EIF4G3: variants seen among roughly 807,000 people sequenced by gnomAD.
EIF4G3 encodes eukaryotic translation initiation factor 4 gamma 3, also known as eIF-4-gamma 3.
EIF4G3 carries 34 observed loss-of-function variants against 186.4 expected under a neutral mutation model. The observed-to-expected ratio is 0.18, with a 90% CI of 0.14 to 0.24. The LOEUF is 0.24. Ranked by LOEUF, EIF4G3 falls within the 10% of genes least tolerant of loss-of-function variation. The probability of loss-of-function intolerance (pLI) is 1.00; values close to 1 mark genes in which losing one functional copy is unlikely to be tolerated. For missense variants in EIF4G3, 1,536 were observed against 1,948.5 expected (o/e 0.79, Z 3.99); for synonymous variants, 673 against 679.5 (o/e 0.99, Z 0.15).
rs1374092520 is a variant in EIF4G3, at chr1:20,810,379, C to T, written c.4744+359G>A. 6.6e-6 allele frequency among the ~76,000 whole-genome samples: 1 copy of T among 152,174 alleles called. No individual in the cohort carries two copies. Among genetic ancestry groups the T allele is most frequent in the African/African-American group, 2.4e-5 (1 of 41,458 alleles). On this transcript the variant is annotated intron_variant, in intron 36 of 36. Transcript: ENST00000602326. This position sits in a 1 kb window ranked among gnomAD's most constrained non-coding sequence, Gnocchi z 4.1. The stretch of plus-strand genomic sequence containing the variant: ...CTGTGTTAGCCAGGATGGTCTCGAT[C>T]TCCTGACCTCATGATCCATCTGCCT...
chr1:21,126,328 C>T (rs568722894), intron 2 of EIF4G3, among the ~76,000 whole-genome samples: 2 of 151,328 alleles, frequency 1.3e-5, no homozygotes, highest in South Asian at 4.2e-4. Flanking sequence ...TACTCTTAAC[C>T]ACAATACTAC....
intron 4 of EIF4G3, among the ~76,000 whole-genome samples, chr1:21,020,223 C>A (rs1426977042): frequency 6.6e-6 from 1 of 151,964 alleles, no homozygotes; most frequent in Non-Finnish European, 1.5e-5. Flanking sequence ...GCACAGTGAT[C>A]ATATCTGTAA....
chr1:20,902,555 G>A (rs1340772038), intron 15 of EIF4G3, among the ~76,000 whole-genome samples: 1 of 152,236 alleles, frequency 6.6e-6, no homozygotes, highest in East Asian at 1.9e-4. Flanking sequence ...TCAGTTTTAG[G>A]AAAGACAGAA....
chr1:20,969,249 GCT>G (rs1376555365), intron 12 of EIF4G3, among the ~76,000 whole-genome samples: 3 of 152,124 alleles, frequency 2.0e-5, no homozygotes, highest in Non-Finnish European at 2.9e-5. Context: ...CCTCACCTGT[GCT>G]CTGATTGTGA....
chr1:20,948,709 T>C (rs909189402), intron 13 of EIF4G3, among the ~76,000 whole-genome samples: 1 of 152,042 alleles, frequency 6.6e-6, no homozygotes, highest in African/African-American at 2.4e-5. Flanking sequence ...CTAAATATTT[T>C]TTAAAGGATA....
intron 2 of EIF4G3, among the ~76,000 whole-genome samples, chr1:21,119,966 TA>T (rs2096898039): frequency 6.6e-6 from 1 of 151,906 alleles, no homozygotes; most frequent in Admixed American, 6.6e-5. Context: ...GCTCTATAGG[TA>T]TAAAAATAAA....
In EIF4G3 at chr1:20,851,922, G is replaced by A. The variant is rs138289208; in HGVS notation, c.3552-444C>T. Reference sequence around the variant, plus strand: ...AATCCCAGCTACTTGGGAGGCTGAGGCATGAGACTGGCCTGAAACTGCGAG... The same window carrying A: ...AATCCCAGCTACTTGGGAGGCTGAGACATGAGACTGGCCTGAAACTGCGAG... On this transcript the variant is annotated intron_variant, in intron 27 of 36. Coordinates refer to ENST00000602326, the MANE Select transcript of EIF4G3 (RefSeq NM_001391906.1). Among the ~76,000 whole-genome samples, 65 of 152,302 alleles carry A rather than the reference G, an allele frequency of 4.3e-4. 1 individual carries two copies. Among genetic ancestry groups the A allele is most frequent in the African/African-American group, 1.4e-3 (57 of 41,566 alleles).
intron 2 of EIF4G3, among the ~76,000 whole-genome samples, chr1:21,171,343 T>A (rs2097963744): frequency 6.6e-6 from 1 of 152,266 alleles, no homozygotes; most frequent in East Asian, 1.9e-4. Context: ...TTCCCTCATA[T>A]CTCATAATGA....
At chr1:21,102,812 T>A (rs775833191) in intron 2 of EIF4G3, among the ~76,000 whole-genome samples, 22 of 152,192 alleles carry the variant, frequency 1.4e-4, no homozygotes, top group Non-Finnish European at 2.8e-4. Context: ...AATTCTTAAT[T>A]TTATTCTATA....
At chr1:20,843,204 T>C (rs1444047336) in intron 29 of EIF4G3, among the ~76,000 whole-genome samples, 3 of 152,002 alleles carry the variant, frequency 2.0e-5, no homozygotes, top group Admixed American at 6.6e-5. Flanking sequence ...TCAAGAGGAC[T>C]TGTAAATGAA....
chr1:21,114,161 T>C (rs2096776324), intron 2 of EIF4G3, among the ~76,000 whole-genome samples: 1 of 152,164 alleles, frequency 6.6e-6, no homozygotes, highest in South Asian at 2.1e-4. Context: ...TTTTTTTTTT[T>C]TCCTTGAGAC....
chr1:21,176,758 G>T lies in EIF4G3; in HGVS notation c.-492C>A. The T allele has an allele frequency of 2.9e-6, 2 of 698,766 alleles. No homozygotes were observed. Among genetic ancestry groups the T allele is most frequent in the Non-Finnish European group, 5.2e-6 (2 of 383,450 alleles). The allele number at this position is 698,766 out of a possible 1,614,324, so 43.3% of individuals were successfully genotyped here. Reference sequence around the variant, plus strand: ...ATATCCTCATGGGCCGGCGGCGGGGGATCTTTATCCCCCTCCCCGGAGGAA... The same window carrying T: ...ATATCCTCATGGGCCGGCGGCGGGGTATCTTTATCCCCCTCCCCGGAGGAA... On this transcript the variant is annotated 5_prime_UTR_variant, in exon 1 of 37. Transcript: ENST00000602326.
chr1:21,114,213 C>G lies in EIF4G3; in HGVS notation c.-271-25000G>C, dbSNP rs574188408. Among the ~76,000 whole-genome samples the G allele has an allele frequency of 1.6e-4, 24 of 151,502 alleles. No homozygotes were observed. The East Asian group carries it at 4.3e-3, about 27-fold the overall frequency. On this transcript the variant is annotated intron_variant, in intron 2 of 36. Coordinates refer to ENST00000602326, the MANE Select transcript of EIF4G3 (RefSeq NM_001391906.1). ...CCAGGCTGGAGTGCAGTGGCGCGAT[C>G]TCGCCTCACTGAAACCTCCGCCTCC...
In EIF4G3 at chr1:21,001,182, T is replaced by C; in HGVS notation, c.144+17A>G. 2.1e-6 allele frequency: 1 copy of C among 471,442 alleles called. No homozygotes were observed. Among genetic ancestry groups the C allele is most frequent in the Non-Finnish European group, 4.4e-6 (1 of 227,088 alleles). The allele number at this position is 471,442 out of a possible 1,614,324, so 29.2% of individuals were successfully genotyped here. ...GCACCACTGCCTGCAAGAAGTACAG[T>C]TTGTTATATTGCTTACAATGCAGTA... On this transcript the variant is annotated intron_variant, in intron 6 of 36. Transcript: ENST00000602326.
chr1:21,164,576 A>C (rs2102991856), intron 2 of EIF4G3, among the ~76,000 whole-genome samples: 1 of 152,232 alleles, frequency 6.6e-6, no homozygotes, highest in East Asian at 1.9e-4. Flanking sequence ...AAAATAAAAA[A>C]CTAGGCAGGA....
At chr1:21,070,960 G>A (rs753777831) in intron 3 of EIF4G3, among the ~76,000 whole-genome samples, 14 of 152,188 alleles carry the variant, frequency 9.2e-5, no homozygotes, top group Non-Finnish European at 1.6e-4. Flanking sequence ...AGGTACAACC[G>A]CTACCACCCC....
At chr1:21,086,510 CCTTCT>C (rs2095985088) in intron 3 of EIF4G3, among the ~76,000 whole-genome samples, 1 of 152,144 alleles carries the variant, frequency 6.6e-6, no homozygotes, top group Non-Finnish European at 1.5e-5. Context: ...GAAGGCTTTG[CCTTCT>C]CTTCTCTACC....
intron 26 of EIF4G3, 85 bp downstream of exon 26, chr1:20,854,893 C>A: frequency 1.7e-6 from 2 of 1,152,824 alleles, no homozygotes; most frequent in South Asian, 2.8e-5. Context: ...TTCCCAAAAA[C>A]CATCATTCGA....
In EIF4G3 at chr1:21,037,471, A is replaced by G. The variant is rs74649038; in HGVS notation, c.-67+13395T>C. Among the ~76,000 whole-genome samples the G allele has an allele frequency of 1.8e-4, 27 of 152,272 alleles. No homozygotes were observed. The East Asian group carries it at 5.0e-3, about 28-fold the overall frequency. On this transcript the variant is annotated intron_variant, in intron 4 of 36. Transcript: ENST00000602326. ...GCGTATCTGATTGTATGGAAGCAAA[A>G]AACACCCACTCTTATTCTGGGTGAA...
Sources: gnomAD v4.1 joint callset for allele counts (sites outside exome capture counted in the v4.1 genomes callset) on GRCh38, gnomAD v4.1.1 for gene constraint, Gnocchi (gnomAD v3.1) non-coding constraint, MANE v1.5 for transcripts, NCBI Gene and HGNC (gene_info 2026-07-23, HGNC 2026-07-21) for gene names.